The following ARHGAP22 variants were observed in gnomAD, a reference collection of about 807,000 sequenced individuals.
The protein encoded by ARHGAP22 is Rho GTPase activating protein 22.
Under a neutral mutation model 59.1 loss-of-function variants are expected in ARHGAP22, and 48 were observed. The ratio of observed to expected loss-of-function variants is 0.81; its 90% CI spans 0.64 to 1.03. ARHGAP22 has a LOEUF of 1.03. ARHGAP22 is among the 50% of genes least tolerant of loss of function. The pLI is 0.00. For synonymous variants in ARHGAP22, 445 were observed against 416.4 expected, an observed-to-expected ratio of 1.07 and a Z score of -0.84; for missense variants, 1,015 against 958.7, an observed-to-expected ratio of 1.06 and a Z score of -0.78.
At position 48,446,336 on chromosome 10, in the gene ARHGAP22, C is replaced by T; in HGVS notation, c.*55G>A. ...CCAGAGATACAGACGCTTCTAACTC[C>T]ATACAAGGCTGGAGACCAGCAGACG... On this transcript the variant is annotated 3_prime_UTR_variant, in exon 10 of 10. Transcript: ENST00000249601. 6.3e-7 allele frequency: 1 copy of T among 1,588,074 alleles called. No homozygotes were observed. Among genetic ancestry groups the T allele is most frequent in the Non-Finnish European group, 8.6e-7 (1 of 1,160,488 alleles).
intron 5 of ARHGAP22, among the ~76,000 whole-genome samples, chr10:48,459,132 G>A (rs1428931004): frequency 2.1e-5 from 3 of 146,062 alleles, no homozygotes. Flanking sequence ...CCTAGGCTGG[G>A]GGTATAGTTG....
chr10:48,494,423 G>C (rs1158459782), intron 3 of ARHGAP22, among the ~76,000 whole-genome samples: 3 of 152,180 alleles, frequency 2.0e-5, no homozygotes, highest in Admixed American at 2.0e-4. Flanking sequence ...CACACCTCAG[G>C]CAGCCCTGGA....
At chr10:48,519,813 A>C (rs1041328330) in intron 3 of ARHGAP22, among the ~76,000 whole-genome samples, 8 of 151,706 alleles carry the variant, frequency 5.3e-5, no homozygotes, top group Admixed American at 5.3e-4. Flanking sequence ...TGGGAGGGGG[A>C]GGGGGGAACA....
intron 3 of ARHGAP22, among the ~76,000 whole-genome samples, chr10:48,499,070 G>A (rs936588546): frequency 6.6e-6 from 1 of 152,196 alleles, no homozygotes; most frequent in Non-Finnish European, 1.5e-5. Flanking sequence ...TCCGGCCAGC[G>A]AGCAGAGCCA....
At chr10:48,536,778 G>A (rs1401826699) in intron 3 of ARHGAP22, among the ~76,000 whole-genome samples, 1 of 152,192 alleles carries the variant, frequency 6.6e-6, no homozygotes, top group Non-Finnish European at 1.5e-5. Context: ...AGCTTCTGTT[G>A]CCCTGGGCTC....
At chr10:48,628,990 G>T (rs1285434020) in intron 1 of ARHGAP22, among the ~76,000 whole-genome samples, 1 of 152,172 alleles carries the variant, frequency 6.6e-6, no homozygotes, top group African/African-American at 2.4e-5. Flanking sequence ...AGTTTATCTT[G>T]CAGGGAAAGG....
At chr10:48,552,608 G>A (rs948009006) in intron 3 of ARHGAP22, among the ~76,000 whole-genome samples, 2 of 152,226 alleles carry the variant, frequency 1.3e-5, no homozygotes, top group Non-Finnish European at 2.9e-5. Context: ...AGCCTAGTGA[G>A]GATAAGTCCT....
intron 9 of ARHGAP22, among the ~76,000 whole-genome samples, chr10:48,447,902 C>G (rs2045522567): frequency 6.6e-6 from 1 of 152,186 alleles, no homozygotes; most frequent in African/African-American, 2.4e-5. Flanking sequence ...TTGGCTCTAC[C>G]TTCAAAATAT....
upstream of ARHGAP22, among the ~76,000 whole-genome samples, chr10:48,609,033 T>C (rs2060781258): frequency 6.6e-6 from 1 of 152,228 alleles, no homozygotes; most frequent in Non-Finnish European, 1.5e-5. Flanking sequence ...TAGTTTGAAA[T>C]TGAATGTTGT....
intron 3 of ARHGAP22, among the ~76,000 whole-genome samples, chr10:48,524,488 G>A (rs2054147341): frequency 7.9e-6 from 1 of 126,952 alleles, no homozygotes; most frequent in South Asian, 2.3e-4. Flanking sequence ...CGGAGCCGGG[G>A]CTGCCTCCGC....
Position 48,454,108 on chromosome 10 carries a change from G to A in ARHGAP22, c.846C>T (p.Asn282=). 6.2e-7 allele frequency: 1 copy of A among 1,614,070 alleles called. No individual in the cohort carries two copies. The highest frequency in any genetic ancestry group is 8.5e-7 in the Non-Finnish European group (1 of 1,179,962). ...QVSNLPQANY[N]LLRYICKFLD... is the part of the protein sequence containing the mutation. ...CTTACTTGCAGATGTATCTGAGCAG[G>A]TTGTAATTTGCCTGAGGAAGGTTGC... The change falls in exon 7 of 10, where the codon AAC becomes AAT. Residue 282 remains asparagine (N), a synonymous_variant. Coordinates refer to ENST00000249601, the MANE Select transcript of ARHGAP22 (RefSeq NM_021226.4).
At chr10:48,432,717 G>A in the ARHGAP22 span, among the ~76,000 whole-genome samples, 13 of 152,170 alleles carry the variant, frequency 8.5e-5, no homozygotes, top group Admixed American at 6.5e-5. Context: ...ATAATTTCAT[G>A]AGTTAGAGCA....
intron 1 of ARHGAP22, among the ~76,000 whole-genome samples, chr10:48,620,470 T>G (rs1041820896): frequency 2.0e-5 from 3 of 152,222 alleles, no homozygotes. Context: ...TTTATCTTCA[T>G]GGATTCCCAC....
At chr10:48,602,402 C>T (rs1245871210) in intron 1 of ARHGAP22, among the ~76,000 whole-genome samples, 1 of 151,610 alleles carries the variant, frequency 6.6e-6, no homozygotes, top group Non-Finnish European at 1.5e-5. Context: ...ATATTGCAAA[C>T]AAAGACAGAA....
Position 48,465,665 on chromosome 10 carries a change from C to T in ARHGAP22, c.452-5774G>A, listed in dbSNP as rs139575764. 1.1e-3 allele frequency among the ~76,000 whole-genome samples: 173 copies of T among 152,348 alleles called. 1 individual carries two copies. The highest frequency in any genetic ancestry group is 4.1e-3 in the African/African-American group (170 of 41,596). ...CTGATCCCGGAGCAGAGTGCAGCTG[C>T]GCAGCAGGTCTGCTTCAGTCATATG... On this transcript the variant is annotated intron_variant, in intron 4 of 9. Coordinates refer to ENST00000249601, the MANE Select transcript of ARHGAP22 (RefSeq NM_021226.4).
At chr10:48,609,586 G>C (rs554984052), upstream of ARHGAP22, among the ~76,000 whole-genome samples, 5 of 152,250 alleles carry the variant, frequency 3.3e-5, no homozygotes, top group African/African-American at 1.2e-4. Context: ...TTTCATAGTT[G>C]GTCCTCTTCA....
At chr10:48,462,970 A>C (rs896595165) in intron 4 of ARHGAP22, among the ~76,000 whole-genome samples, 1 of 152,228 alleles carries the variant, frequency 6.6e-6, no homozygotes, top group African/African-American at 2.4e-5. Flanking sequence ...TCAACATCTG[A>C]TGCCTAACAG....
chr10:48,545,969 G>A (rs150481810), intron 3 of ARHGAP22, among the ~76,000 whole-genome samples: 34 of 152,360 alleles, frequency 2.2e-4, no homozygotes, highest in African/African-American at 8.2e-4. Flanking sequence ...ATTCAGAGAA[G>A]GGAAGAAATC....
At chr10:48,644,664 T>C (rs1401735413) in intron 1 of ARHGAP22, among the ~76,000 whole-genome samples, 1 of 152,166 alleles carries the variant, frequency 6.6e-6, no homozygotes, top group African/African-American at 2.4e-5. Context: ...AACAACACAC[T>C]ACTAAATCAG....
Sources: allele counts gnomAD v4.1 joint callset (sites outside exome capture counted in the v4.1 genomes callset), GRCh38; gene constraint gnomAD v4.1.1; transcripts MANE v1.5; gene names NCBI Gene and HGNC (gene_info 2026-07-23, HGNC 2026-07-21).